Variants in NLGN4Y observed in about 807,000 individuals in gnomAD.
NLGN4Y encodes neuroligin 4 Y-linked.
In NLGN4Y, 4 loss-of-function variants were observed where a neutral mutation model predicts 8.4. That is an observed-to-expected ratio of 0.48 (90% CI 0.23 to 1.09). The LOEUF is 1.09. Ranked by LOEUF, NLGN4Y falls within the 50% of genes least tolerant of loss-of-function variation. NLGN4Y has a pLI of 0.19. For synonymous variants in NLGN4Y, 35 were observed against 75.6 expected, an observed-to-expected ratio of 0.46 and a Z score of 2.78; for missense variants, 90 against 192.3, an observed-to-expected ratio of 0.47 and a Z score of 3.15.
intron 1 of NLGN4Y, among the ~76,000 whole-genome samples, chrY:14,576,341 C>G: frequency 3.0e-5 from 1 of 33,692 alleles, no homozygotes; most frequent in Non-Finnish European, 7.4e-5. Flanking sequence ...TCTCAGACTG[C>G]TGTGCTAGCA....
At chrY:14,768,997 C>T (rs2081099779) in intron 4 of NLGN4Y, among the ~76,000 whole-genome samples, 1 of 33,393 alleles carries the variant, frequency 3.0e-5, no homozygotes. Flanking sequence ...ACCCTGAATA[C>T]GTGGGAATTT....
At chrY:14,644,362 G>C in intron 2 of NLGN4Y, among the ~76,000 whole-genome samples, 1 of 32,553 alleles carries the variant, frequency 3.1e-5, no homozygotes, top group Non-Finnish European at 7.4e-5. Context: ...GGAGAAATTT[G>C]ACGAATGAGT....
intron 2 of NLGN4Y, among the ~76,000 whole-genome samples, chrY:14,643,895 G>A (rs938512899): frequency 3.0e-5 from 1 of 33,636 alleles, no homozygotes; most frequent in Non-Finnish European, 7.3e-5. Context: ...TCTGCAAAAA[G>A]CAAAGGAGGT....
At chrY:14,705,273 A>G in intron 2 of NLGN4Y, among the ~76,000 whole-genome samples, 1 of 33,040 alleles carries the variant, frequency 3.0e-5, no homozygotes, top group African/African-American at 1.2e-4. Context: ...TCATAATTAG[A>G]TCTCAGCTTA....
chrY:14,821,379 C>A, intron 4 of NLGN4Y, among the ~76,000 whole-genome samples: 9 of 33,679 alleles, frequency 2.7e-4, no homozygotes, highest in Admixed American at 1.9e-3. Context: ...AGTTGGCCAA[C>A]TTTTATTTTC....
chrY:14,833,245 C>T (rs770615993), intron 6 of NLGN4Y, among the ~76,000 whole-genome samples: 8 of 33,235 alleles, frequency 2.4e-4, no homozygotes, highest in Middle Eastern at 0.014. Context: ...TCAAGGTGCC[C>T]AGATTTCATA....
At chrY:14,634,834 A>G in intron 2 of NLGN4Y, among the ~76,000 whole-genome samples, 1 of 33,653 alleles carries the variant, frequency 3.0e-5, no homozygotes, top group Non-Finnish European at 7.4e-5. Context: ...CTAAAACCCC[A>G]AACATCTTGA....
Position 14,578,183 on chromosome Y carries a change from C to A in NLGN4Y, c.-111-43826C>A, listed in dbSNP as rs2080305009. On this transcript the variant is annotated intron_variant, in intron 1 of 6. Transcript: ENST00000684976. ...ACCATATGTATACATATGTAACAAT[C>A]CTGCACATTCTGCCCATGTACCCCA... 1.9e-4 allele frequency among the ~76,000 whole-genome samples: 6 copies of A among 31,493 alleles called. No homozygotes were observed. In the South Asian group the frequency reaches 4.5e-3, roughly 24 times the overall value. The allele number at this position is 31,493 out of a possible 37,273, so 84.5% of individuals were successfully genotyped here. A position where few individuals can be genotyped will look rare whatever the true frequency, so the allele number is the denominator to read the frequency against.
At chrY:14,723,342 T>G in intron 4 of NLGN4Y, 73 bp downstream of exon 4, 5 of 309,417 alleles carry the variant, frequency 1.6e-5, no homozygotes, top group Non-Finnish European at 2.4e-5. Flanking sequence ...TTGATGGGAC[T>G]CATGGATTTG....
At chrY:14,704,102 C>T (rs2080866506) in intron 2 of NLGN4Y, among the ~76,000 whole-genome samples, 1 of 33,479 alleles carries the variant, frequency 3.0e-5, no homozygotes, top group African/African-American at 1.2e-4. Flanking sequence ...ATGTCATCTG[C>T]AAACAAGGAC....
chrY:14,764,573 AG>A (rs2081088948), intron 4 of NLGN4Y, among the ~76,000 whole-genome samples: 1 of 33,448 alleles, frequency 3.0e-5, no homozygotes, highest in Non-Finnish European at 7.4e-5. Context: ...ATGGGGTGGG[AG>A]GTGGGTTGTA....
intron 1 of NLGN4Y, among the ~76,000 whole-genome samples, chrY:14,561,294 T>C: frequency 3.1e-5 from 1 of 32,501 alleles, no homozygotes; most frequent in Non-Finnish European, 7.5e-5. Flanking sequence ...TGTATTCTCA[T>C]TGTTCAGCTC....
At chrY:14,816,200 A>G in intron 4 of NLGN4Y, among the ~76,000 whole-genome samples, 2 of 33,246 alleles carry the variant, frequency 6.0e-5, no homozygotes, top group African/African-American at 2.4e-4. Context: ...AGAAAACTAT[A>G]CCCCCGTGAA....
chrY:14,567,907 C>T, intron 1 of NLGN4Y, among the ~76,000 whole-genome samples: 1 of 32,452 alleles, frequency 3.1e-5, no homozygotes, highest in Non-Finnish European at 7.5e-5. Flanking sequence ...TATTCAGTGA[C>T]TTTAATTAGA....
intron 2 of NLGN4Y, among the ~76,000 whole-genome samples, chrY:14,686,933 C>T (rs2080793323): frequency 3.0e-5 from 1 of 32,827 alleles, no homozygotes; most frequent in Non-Finnish European, 7.5e-5. Flanking sequence ...TTGTCCAAAG[C>T]ATAGCCACAG....
At chrY:14,702,623 C>T (rs2080856538) in intron 2 of NLGN4Y, among the ~76,000 whole-genome samples, 1 of 33,059 alleles carries the variant, frequency 3.0e-5, no homozygotes, top group Non-Finnish European at 7.4e-5. Context: ...AATAAACGTA[C>T]GTGTGCACGT....
intron 1 of NLGN4Y, among the ~76,000 whole-genome samples, chrY:14,549,643 C>T (rs1603499382): frequency 3.0e-5 from 1 of 33,400 alleles, no homozygotes; most frequent in East Asian, 7.9e-4. Flanking sequence ...GGCTAAAATG[C>T]TGTTTCTTGC....
intron 1 of NLGN4Y, among the ~76,000 whole-genome samples, chrY:14,551,570 A>C: frequency 8.9e-5 from 3 of 33,793 alleles, no homozygotes; most frequent in Admixed American, 2.7e-4. Flanking sequence ...AATGTAAATC[A>C]TAACAAACAG....
chrY:14,807,416 T>C (rs2150586274), intron 4 of NLGN4Y, among the ~76,000 whole-genome samples: 2 of 32,834 alleles, frequency 6.1e-5, no homozygotes, highest in East Asian at 1.6e-3. Flanking sequence ...TTTTCTTATA[T>C]GTATTTTATA....
Sources: allele counts gnomAD v4.1 joint callset (sites outside exome capture counted in the v4.1 genomes callset), GRCh38; gene constraint gnomAD v4.1.1; transcripts MANE v1.5; gene names NCBI Gene and HGNC (gene_info 2026-07-23, HGNC 2026-07-21).